Variants in EMC1 observed in about 807,000 individuals in gnomAD.
The protein encoded by EMC1 is KIAA0090.
EMC1 carries 103 observed loss-of-function variants against 128.8 expected under a neutral mutation model. The ratio of observed to expected loss-of-function variants is 0.80; its 90% CI spans 0.68 to 0.94. The LOEUF is 0.94. Among genes scored for constraint, EMC1 ranks in the 40% least tolerant of loss-of-function variants. The pLI, the probability that EMC1 is intolerant of heterozygous loss-of-function variation, is 0.00. For synonymous variants in EMC1, 442 were observed against 490.4 expected (o/e 0.90, Z 1.30); for missense variants, 1,083 against 1,250.6 (o/e 0.87, Z 2.02).
intron 2 of EMC1, 41 bp from the exon 3 acceptor site, chr1:19,244,056 T>C: frequency 6.3e-7 from 1 of 1,595,200 alleles, no homozygotes; most frequent in South Asian, 1.1e-5. Context: ...GAACAAAAGG[T>C]GGCAACCCAG....
Position 19,239,280 on chromosome 1 carries a change from G to A in EMC1, c.977C>T (p.Thr326Ile). ...FPQTALVSFA[T>I]TGEKTVAAVM... ...TGCAGCCACCGTCTTCTCCCCAGTG[G>A]TGGCAAAGCTCACTAGGGCAGTCTG... Residue 326 changes from threonine (T) to isoleucine (I), a missense_variant, in exon 9 of 23, where the codon ACC (threonine) becomes ATC (isoleucine). Around this residue, in one of 3 missense-constraint regions of EMC1, gnomAD observed 544 missense variants for 572.4 expected, o/e 0.95. Coordinates refer to ENST00000477853, the MANE Select transcript of EMC1 (RefSeq NM_015047.3). 6.2e-7 allele frequency: 1 copy of A among 1,614,114 alleles called. No individual in the cohort carries two copies. The highest frequency in any genetic ancestry group is 1.1e-5 in the South Asian group (1 of 91,084).
rs753855835 is a variant in EMC1 at position 19,244,852 on chromosome 1, G to A, written c.220+54C>T. 1.7e-5 allele frequency: 27 copies of A among 1,603,170 alleles called. No homozygotes were observed. The African/African-American group carries it at 2.1e-4, about 13-fold the overall frequency. On this transcript the variant is annotated intron_variant, in intron 2 of 22. Transcript: ENST00000477853. ...GAATCAGCCAGGCAGAGTTGGCAAT[G>A]GTAAGTCTTTCATCCCTGAGGCAGC...
intron 1 of EMC1, among the ~76,000 whole-genome samples, chr1:19,249,523 T>C (rs1400965253): frequency 6.6e-6 from 1 of 152,210 alleles, no homozygotes; most frequent in African/African-American, 2.4e-5. Context: ...CTAAACCATC[T>C]AGATTTACAT....
Position 19,216,233 on chromosome 1 carries a change from C to CAAAAAAAA in EMC1, c.*3062_*3069dup, listed in dbSNP as rs144374191. The CAAAAAAAA allele has an allele frequency of 2.1e-4, 27 of 129,582 alleles. 1 individual carries two copies. Among genetic ancestry groups the CAAAAAAAA allele is most frequent in the Middle Eastern group, 3.4e-3 (1 of 292 alleles). The allele number at this position is 129,582 out of a possible 1,614,324, so 8.0% of individuals were successfully genotyped here. A position where few individuals can be genotyped will look rare whatever the true frequency, so the allele number is the denominator to read the frequency against. ...GCCTGGGTGACAGAGACCCTGCCTCCAAAAAAAAAGCAATTTATAAAGGCA... is the reference window on the plus strand; with the variant it reads ...GCCTGGGTGACAGAGACCCTGCCTCCAAAAAAAAAAAAAAAAAGCAATTTATAAAGGCA... On this transcript the variant is annotated 3_prime_UTR_variant, in exon 23 of 23. Coordinates refer to ENST00000477853, the MANE Select transcript of EMC1 (RefSeq NM_015047.3).
chr1:19,227,793 G>C (rs760528505), intron 17 of EMC1, among the ~76,000 whole-genome samples: 74 of 152,294 alleles, frequency 4.9e-4, no homozygotes, highest in Non-Finnish European at 9.4e-4. Context: ...AGTGAGCTGA[G>C]ATCACGCCAC....
At chr1:19,248,007 G>C (rs2093639415) in intron 1 of EMC1, among the ~76,000 whole-genome samples, 1 of 148,508 alleles carries the variant, frequency 6.7e-6, no homozygotes, top group African/African-American at 2.5e-5. Flanking sequence ...CTGAGCGACA[G>C]AGTAAGACTC....
At position 19,218,104 on chromosome 1, in the gene EMC1, C is replaced by A. The variant is rs751050625; in HGVS notation, c.*1199G>T. The A allele has an allele frequency of 7.2e-5, 11 of 152,216 alleles. No homozygotes were observed. The highest frequency in any genetic ancestry group is 1.6e-4 in the Non-Finnish European group (11 of 68,036). 9.4% of individuals were successfully genotyped at this position (152,216 alleles called of 1,614,324 possible). A position where few individuals can be genotyped will look rare whatever the true frequency, so the allele number is the denominator to read the frequency against. On this transcript the variant is annotated 3_prime_UTR_variant, in exon 23 of 23. Coordinates refer to ENST00000477853, the MANE Select transcript of EMC1 (RefSeq NM_015047.3). ...CTTAAACAGTGTCATTTGTCACTTG[C>A]TTTATGCAAACATTCGAGTGTACCT...
intron 4 of EMC1, among the ~76,000 whole-genome samples, chr1:19,242,992 C>G (rs2093615029): frequency 6.6e-6 from 1 of 152,218 alleles, no homozygotes; most frequent in Non-Finnish European, 1.5e-5. Flanking sequence ...AATCCCAACA[C>G]TTTGAGAGGC....
chr1:19,229,297 A>AAATTATT (rs2093502630), intron 17 of EMC1: 1 of 152,214 alleles, frequency 6.6e-6, no homozygotes, highest in Non-Finnish European at 1.5e-5. Context: ...AAAATAGTGA[A>AAATTATT]AATTATTAAT....
In EMC1 at chr1:19,219,118, A is replaced by G; in HGVS notation, c.*185T>C. The G allele has an allele frequency of 1.7e-6, 1 of 591,926 alleles. No homozygotes were observed. Among genetic ancestry groups the G allele is most frequent in the South Asian group, 2.1e-5 (1 of 48,562 alleles). The allele number at this position is 591,926 out of a possible 1,614,324, so 36.7% of individuals were successfully genotyped here. ...GAGAGAGTTCTGTCTCTCTCCATGT[A>G]GGATCCTTTCTGCATCATGTATATC... On this transcript the variant is annotated 3_prime_UTR_variant, in exon 23 of 23. Coordinates refer to ENST00000477853, the MANE Select transcript of EMC1 (RefSeq NM_015047.3).
chr1:19,232,845 T>C, intron 14 of EMC1, 72 bp from the exon 15 acceptor site: 4 of 1,606,392 alleles, frequency 2.5e-6, no homozygotes, highest in Non-Finnish European at 2.6e-6. Flanking sequence ...CCTTGAAAAC[T>C]AGAACCAGTG....
rs1175689413 is a variant in EMC1, at chr1:19,225,423, G to A, written c.2203-1854C>T. Among the ~76,000 whole-genome samples the A allele has an allele frequency of 5.9e-5, 9 of 152,124 alleles. No homozygotes were observed. The East Asian group carries it at 1.2e-3, about 20-fold the overall frequency. ...TCCCAGCACTTAGGGAGGCCAAGGCGGGCAGATCACGAGATCAAGAGATCA... is the reference window on the plus strand; with the variant it reads ...TCCCAGCACTTAGGGAGGCCAAGGCAGGCAGATCACGAGATCAAGAGATCA... On this transcript the variant is annotated intron_variant, in intron 18 of 22. Coordinates refer to ENST00000477853, the MANE Select transcript of EMC1 (RefSeq NM_015047.3).
At chr1:19,250,669 T>C (rs879248432) in intron 1 of EMC1, among the ~76,000 whole-genome samples, 3 of 152,210 alleles carry the variant, frequency 2.0e-5, no homozygotes, top group African/African-American at 7.2e-5. Context: ...GAGCCAGGCA[T>C]TGTGCTAAGT....
At position 19,241,120 on chromosome 1, in the gene EMC1, C is replaced by T. The variant is rs1407744423; in HGVS notation, c.532G>A (p.Val178Met). Residue 178 changes from valine (V) to methionine (M), a missense_variant, in exon 6 of 23, where the codon GTG (valine) becomes ATG (methionine). Val to Met is a conservative substitution (Grantham distance 21). Transcript: ENST00000477853. ...PESDSIHYQM[V>M]YSYGSGVVWA... ...ACCACCCCAGAGCCGTAAGAATACA[C>T]CATCTGGTAGTGGATGCTGTCACTA... 1.2e-6 allele frequency: 2 copies of T among 1,614,182 alleles called. No individual in the cohort carries two copies. Among genetic ancestry groups the T allele is most frequent in the Non-Finnish European group, 1.7e-6 (2 of 1,180,020 alleles).
intron 14 of EMC1, 25 bp downstream of exon 14, chr1:19,232,911 T>C: frequency 6.2e-7 from 1 of 1,612,532 alleles, no homozygotes; most frequent in Non-Finnish European, 8.5e-7. Flanking sequence ...AAAGGTTCAG[T>C]AACTGGAGCT....
chr1:19,238,771 A>C (rs372024543), intron 10 of EMC1, 24 bp downstream of exon 10: 2 of 1,574,452 alleles, frequency 1.3e-6, no homozygotes, highest in African/African-American at 2.7e-5. Context: ...TAGGTCTGGC[A>C]TACTGCCCAG....
intron 1 of EMC1, among the ~76,000 whole-genome samples, chr1:19,248,023 C>CAA (rs200472630): frequency 0.29 from 40,418 of 140,938 alleles, 6,131 homozygotes; most frequent in East Asian, 0.6. Context: ...GACTCTGTCC[C>CAA]AAAAAAAAAA....
At chr1:19,248,476 G>A (rs1046022181) in intron 1 of EMC1, among the ~76,000 whole-genome samples, 2 of 152,156 alleles carry the variant, frequency 1.3e-5, no homozygotes, top group African/African-American at 2.4e-5. Context: ...GCTGAGTGCA[G>A]TGGCGTGATC....
chr1:19,220,736 C>T, intron 21 of EMC1, 28 bp downstream of exon 21: 1 of 1,565,958 alleles, frequency 6.4e-7, no homozygotes, highest in Non-Finnish European at 8.7e-7. Context: ...AAGGTCAGAG[C>T]CTTCAGCACT....
Sources: allele counts gnomAD v4.1 joint callset (sites outside exome capture counted in the v4.1 genomes callset), GRCh38; gene constraint gnomAD v4.1.1; regional missense constraint gnomAD v4.1.1; transcripts MANE v1.5; gene names NCBI Gene and HGNC (gene_info 2026-07-23, HGNC 2026-07-21).